Variants in WNT3A observed in about 807,000 individuals in gnomAD.
WNT3A encodes protein Wnt-3a.
Under a neutral mutation model 37.0 loss-of-function variants are expected in WNT3A, and 17 were observed. The ratio of observed to expected loss-of-function variants is 0.46; its 90% confidence interval spans 0.31 to 0.69. The LOEUF (loss-of-function observed/expected upper bound fraction) is 0.69, where lower values mean the gene tolerates loss of function less well. Among genes scored for constraint, WNT3A ranks in the 30% least tolerant of loss-of-function variants. The probability of loss-of-function intolerance (pLI) is 0.05; values close to 1 mark genes in which losing one functional copy is unlikely to be tolerated. For missense variants in WNT3A, 411 were observed against 510.2 expected, an observed-to-expected ratio of 0.81 and a Z score of 1.87; for synonymous variants, 187 against 211.0, an observed-to-expected ratio of 0.89 and a Z score of 0.99.
intron 2 of WNT3A, among the ~76,000 whole-genome samples, chr1:228,030,076 C>T (rs1007869318): frequency 1.3e-5 from 2 of 149,260 alleles, no homozygotes; most frequent in African/African-American, 5.1e-5. Context: ...CAGAATGAGA[C>T]CCTGTCTCTA....
In WNT3A at chr1:228,042,259, G is replaced by A. The variant is rs897165677; in HGVS notation, c.314-8397G>A. 3.9e-5 allele frequency among the ~76,000 whole-genome samples: 6 copies of A among 152,140 alleles called. No homozygotes were observed. Among genetic ancestry groups the A allele is most frequent in the Non-Finnish European group, 7.3e-5 (5 of 68,028 alleles). On this transcript the variant is annotated intron_variant, in intron 2 of 3. Transcript: ENST00000284523. The surrounding 1 kb of genome is among the most constrained non-coding windows in gnomAD (Gnocchi z 5.2). ...CCCAAAGTGCTGGGATTACAGCTGT[G>A]AGCCACCGCGCCCAGCCTCTGGAGG...
chr1:228,025,648 C>T (rs1251877801), intron 2 of WNT3A, among the ~76,000 whole-genome samples: 4 of 152,248 alleles, frequency 2.6e-5, no homozygotes, highest in Non-Finnish European at 5.9e-5. Context: ...CTGTGCCCAG[C>T]TTCTGTAATT....
At position 228,060,346 on chromosome 1, in the gene WNT3A, C is replaced by T. The variant is rs748559578; in HGVS notation, c.*881C>T. On this transcript the variant is annotated 3_prime_UTR_variant, in exon 4 of 4. Transcript: ENST00000284523. ...AACCCGTGCCCCTGGGATCCGAGGG[C>T]CCCTCTCCAAGCGCCTGGCTTTGGA... The T allele has an allele frequency of 2.3e-6, 3 of 1,317,640 alleles. No homozygotes were observed. The highest frequency in any genetic ancestry group is 3.0e-6 in the Non-Finnish European group (3 of 992,170). The allele number at this position is 1,317,640 out of a possible 1,614,324, so 81.6% of individuals were successfully genotyped here.
chr1:228,019,127 G>T (rs1432845950), intron 1 of WNT3A, among the ~76,000 whole-genome samples: 1 of 152,224 alleles, frequency 6.6e-6, no homozygotes, highest in Non-Finnish European at 1.5e-5. Flanking sequence ...GGTGAGAGGG[G>T]CACAGAACTG....
At chr1:228,011,852 G>A (rs751155187) in intron 1 of WNT3A, among the ~76,000 whole-genome samples, 13 of 152,200 alleles carry the variant, frequency 8.5e-5, no homozygotes, top group Non-Finnish European at 1.9e-4. Flanking sequence ...TGAGGGTGAC[G>A]GTCAGGAGTG....
intron 2 of WNT3A, among the ~76,000 whole-genome samples, chr1:228,041,030 TATCTATCTATCTATCTATC>T (rs944179163): frequency 2.0e-5 from 3 of 149,496 alleles, no homozygotes; most frequent in African/African-American, 7.4e-5. Context: ...TCTATCTATC[TATCTATCTATCTATCTATC>T]ATCTATCTAT....
intron 1 of WNT3A, among the ~76,000 whole-genome samples, chr1:228,010,841 C>A (rs2030349026): frequency 6.6e-6 from 1 of 152,248 alleles, no homozygotes. Context: ...TCATGACCTC[C>A]ATTTTTATAG....
intron 3 of WNT3A, among the ~76,000 whole-genome samples, chr1:228,058,432 G>C (rs949658299): frequency 1.3e-5 from 2 of 152,190 alleles, no homozygotes; most frequent in Non-Finnish European, 2.9e-5. Context: ...AGGGGAAACC[G>C]TTCGCTCCTC....
At chr1:228,040,994 T>TATATATATATATAA (rs1553309927) in intron 2 of WNT3A, among the ~76,000 whole-genome samples, 1 of 140,448 alleles carries the variant, frequency 7.1e-6, no homozygotes, top group South Asian at 2.2e-4. Context: ...TATATATATA[T>TATATATATATATAA]AATATCTACT....
intron 1 of WNT3A, among the ~76,000 whole-genome samples, chr1:228,016,736 C>T (rs907547285): frequency 1.3e-5 from 2 of 152,128 alleles, no homozygotes; most frequent in Admixed American, 6.5e-5. Flanking sequence ...AAGCATGGCA[C>T]CGGCATCTGC....
intron 2 of WNT3A, among the ~76,000 whole-genome samples, chr1:228,036,870 CAG>C (rs972188482): frequency 8.5e-5 from 13 of 152,210 alleles, no homozygotes; most frequent in Admixed American, 7.2e-4. Flanking sequence ...CGTGGCTCTG[CAG>C]AGAGCCTGGC....
chr1:228,032,421 G>A (rs1425708261), intron 2 of WNT3A, among the ~76,000 whole-genome samples: 1 of 152,212 alleles, frequency 6.6e-6, no homozygotes, highest in African/African-American at 2.4e-5. Context: ...ATAGCACTGG[G>A]TCCTAAACCT....
chr1:228,030,989 G>A (rs1297485764), intron 2 of WNT3A, among the ~76,000 whole-genome samples: 4 of 152,246 alleles, frequency 2.6e-5, no homozygotes, highest in African/African-American at 7.2e-5. Context: ...GACCAGGAGA[G>A]CTCCTGAGTG....
At chr1:228,014,329 T>C (rs2030464137) in intron 1 of WNT3A, among the ~76,000 whole-genome samples, 1 of 152,084 alleles carries the variant, frequency 6.6e-6, no homozygotes, top group African/African-American at 2.4e-5. Flanking sequence ...AGGGCCCGAG[T>C]TGGAGCCCAT....
intron 1 of WNT3A, among the ~76,000 whole-genome samples, chr1:228,019,508 G>C (rs1269237814): frequency 6.6e-6 from 1 of 152,338 alleles, no homozygotes; most frequent in African/African-American, 2.4e-5. Flanking sequence ...TTCCCTGGCT[G>C]TAAGCTAGGC....
rs1429474416 is a variant in WNT3A, at chr1:228,037,863, A to T, written c.314-12793A>T. ...ACACGCCCTTCGCGGTGCTGAATTA[A>T]AGCGTCTGAATGGGGATTTCCCCTC... On this transcript the variant is annotated intron_variant, in intron 2 of 3. Coordinates refer to ENST00000284523, the MANE Select transcript of WNT3A (RefSeq NM_033131.4). The surrounding 1 kb of genome is among the most constrained non-coding windows in gnomAD (Gnocchi z 4.1). 1.3e-5 allele frequency among the ~76,000 whole-genome samples: 2 copies of T among 152,194 alleles called. No individual in the cohort carries two copies. Among genetic ancestry groups the T allele is most frequent in the Admixed American group, 1.3e-4 (2 of 15,288 alleles).
At chr1:228,015,778 G>A (rs907443337) in intron 1 of WNT3A, among the ~76,000 whole-genome samples, 5 of 138,476 alleles carry the variant, frequency 3.6e-5, no homozygotes, top group African/African-American at 5.4e-5. Context: ...AGGACCCTTC[G>A]TCCTTGACCA....
chr1:228,024,770 T>C (rs1259027199), intron 2 of WNT3A, among the ~76,000 whole-genome samples: 3 of 152,270 alleles, frequency 2.0e-5, no homozygotes. Context: ...TAATAGTTTA[T>C]CTTTTACTTT....
At chr1:228,030,336 T>C (rs961830794) in intron 2 of WNT3A, among the ~76,000 whole-genome samples, 27 of 149,808 alleles carry the variant, frequency 1.8e-4, no homozygotes, top group Non-Finnish European at 3.0e-4. Flanking sequence ...GCGGAGGTTT[T>C]AGTGAGCCGA....
Sources: allele counts gnomAD v4.1 joint callset (sites outside exome capture counted in the v4.1 genomes callset), GRCh38; gene constraint gnomAD v4.1.1; non-coding constraint Gnocchi (gnomAD v3.1); transcripts MANE v1.5; gene names NCBI Gene and HGNC (gene_info 2026-07-23, HGNC 2026-07-21).